DCAF12: variants seen among roughly 807,000 people sequenced by gnomAD.
DCAF12 encodes the protein DDB1- and CUL4-associated factor 12.
A neutral mutation model predicts 52.8 loss-of-function variants in DCAF12; 28 were observed. The ratio of observed to expected loss-of-function variants is 0.53; its 90% CI spans 0.39 to 0.73. The LOEUF (loss-of-function observed/expected upper bound fraction) is 0.73. Among genes scored for constraint, DCAF12 ranks in the 30% least tolerant of loss-of-function variants. The pLI is 0.00. For missense variants in DCAF12, 425 were observed against 552.2 expected (o/e 0.77, Z 2.31); for synonymous variants, 196 against 215.5 (o/e 0.91, Z 0.79).
At chr9:34,103,685 C>G (rs900684500) in intron 4 of DCAF12, among the ~76,000 whole-genome samples, 3 of 151,966 alleles carry the variant, frequency 2.0e-5, no homozygotes, top group African/African-American at 7.3e-5. Flanking sequence ...GAGACCCAGT[C>G]TCTATAAAAA....
chr9:34,096,720 G>T lies in DCAF12; in HGVS notation c.857C>A (p.Ser286Tyr), dbSNP rs774034512. The T allele has an allele frequency of 6.2e-7, 1 of 1,613,716 alleles. No homozygotes were observed. The highest frequency in any genetic ancestry group is 8.5e-7 in the Non-Finnish European group (1 of 1,179,672). ...FHLWKAENTL[S>Y]KLLSTKLPYC... is the part of the protein sequence containing the mutation. ...ACAAAATCATGTTCATCACACCTTAGATAGTGTATTTTCAGCCTTCCAGAG... is the reference window on the plus strand; with the variant it reads ...ACAAAATCATGTTCATCACACCTTATATAGTGTATTTTCAGCCTTCCAGAG... Residue 286 changes from serine to tyrosine, a missense_variant, in exon 6 of 9, where the codon TCT becomes TAT. This residue lies in a region of DCAF12 where 328 missense variants were observed against 444.4 expected (regional missense o/e 0.74). Transcript: ENST00000361264.
At chr9:34,104,817 T>C (rs1828879496) in intron 4 of DCAF12, among the ~76,000 whole-genome samples, 1 of 150,400 alleles carries the variant, frequency 6.6e-6, no homozygotes, top group Non-Finnish European at 1.5e-5. Context: ...CTCAGGAGGC[T>C]GAGGCAGGGA....
At chr9:34,125,328 A>G (rs1829232730) in intron 1 of DCAF12, 51 bp from the exon 2 acceptor site, 4 of 1,597,212 alleles carry the variant, frequency 2.5e-6, no homozygotes, top group Non-Finnish European at 2.6e-6. Context: ...TCTTCAGAAC[A>G]GATCCTACTG....
rs544993253 is a variant in DCAF12, at chr9:34,106,280, T to C, written c.601+154A>G. ...ACTAATTTAAATTCTTGGGCTCAAGTGATCCACCCACCTCAGCCTCCCAAA... is the reference window on the plus strand; with the variant it reads ...ACTAATTTAAATTCTTGGGCTCAAGCGATCCACCCACCTCAGCCTCCCAAA... On this transcript the variant is annotated intron_variant, in intron 4 of 8. Transcript: ENST00000361264. Among the ~76,000 whole-genome samples the C allele has an allele frequency of 2.7e-4, 41 of 152,116 alleles. 1 individual carries two copies. The highest frequency in any genetic ancestry group is 5.9e-4 in the Admixed American group (9 of 15,242).
chr9:34,097,548 G>A (rs1397632660), intron 5 of DCAF12, among the ~76,000 whole-genome samples: 1 of 151,698 alleles, frequency 6.6e-6, no homozygotes, highest in Non-Finnish European at 1.5e-5. Flanking sequence ...GAGTCACTGC[G>A]CCTGGGTGAC....
At chr9:34,106,327 G>C in intron 4 of DCAF12, 107 bp downstream of exon 4, 1 of 908,882 alleles carries the variant, frequency 1.1e-6, no homozygotes, top group Non-Finnish European at 1.7e-6. Context: ...ATAGGCGTGA[G>C]TCACTGAGCC....
chr9:34,126,218 A>G, intron 1 of DCAF12, 136 bp downstream of exon 1: 2 of 1,105,294 alleles, frequency 1.8e-6, no homozygotes, highest in East Asian at 2.6e-5. Flanking sequence ...TCCTGACCCT[A>G]TAGGCCCTGA....
At chr9:34,107,673 T>C (rs1828926821) in intron 2 of DCAF12, 108 bp from the exon 3 acceptor site, 3 of 890,664 alleles carry the variant, frequency 3.4e-6, no homozygotes, top group South Asian at 1.6e-5. Context: ...TAACAACTAC[T>C]ACATGTTAGA....
At chr9:34,088,708 C>T (rs1475575840) in intron 8 of DCAF12, among the ~76,000 whole-genome samples, 200 bp from the exon 9 acceptor site, 1 of 152,164 alleles carries the variant, frequency 6.6e-6, no homozygotes, top group Non-Finnish European at 1.5e-5. Context: ...AAGAACGGAG[C>T]AGCTGAAGAA....
chr9:34,109,362 A>C (rs1428217080), intron 2 of DCAF12: 1 of 201,050 alleles, frequency 5.0e-6, no homozygotes, highest in East Asian at 1.1e-4. Flanking sequence ...GCACCTGAAC[A>C]GCTCCTAGAT....
intron 1 of DCAF12, chr9:34,125,546 T>C: frequency 3.5e-6 from 2 of 565,142 alleles, no homozygotes; most frequent in Non-Finnish European, 6.9e-6. Context: ...CTAAAAGGTT[T>C]ACTAGACATT....
At chr9:34,111,431 C>G (rs1408058200) in intron 2 of DCAF12, among the ~76,000 whole-genome samples, 2 of 152,336 alleles carry the variant, frequency 1.3e-5, no homozygotes, top group South Asian at 4.1e-4. Context: ...AACACTTAGA[C>G]CATATCGCAC....
chr9:34,111,829 A>C (rs1294908321), intron 2 of DCAF12, among the ~76,000 whole-genome samples: 1 of 152,124 alleles, frequency 6.6e-6, no homozygotes, highest in Non-Finnish European at 1.5e-5. Flanking sequence ...CTTGGAGAAA[A>C]GAAAACTTGA....
intron 2 of DCAF12, among the ~76,000 whole-genome samples, chr9:34,113,432 C>T (rs993589573): frequency 2.0e-5 from 3 of 151,838 alleles, no homozygotes; most frequent in African/African-American, 4.8e-5. Flanking sequence ...TCTTGGCTCC[C>T]GGGTTCAAGT....
chr9:34,109,415 C>G (rs144141231), intron 2 of DCAF12: 231 of 198,568 alleles, frequency 1.2e-3, no homozygotes, highest in Non-Finnish European at 1.9e-3. Context: ...TCTTTAGCCC[C>G]CAGGGTGGGA....
intron 2 of DCAF12, among the ~76,000 whole-genome samples, chr9:34,113,836 C>T (rs1829043329): frequency 6.6e-6 from 1 of 151,596 alleles, no homozygotes; most frequent in Non-Finnish European, 1.5e-5. Flanking sequence ...AGGCCAGGCG[C>T]AGTGGCTCAT....
At chr9:34,125,313 A>C in intron 1 of DCAF12, 36 bp from the exon 2 acceptor site, 1 of 1,608,964 alleles carries the variant, frequency 6.2e-7, no homozygotes, top group Non-Finnish European at 8.5e-7. Flanking sequence ...GGCTTTGGCT[A>C]CTCTTCTTCA....
At chr9:34,102,570 T>C (rs1374973913) in intron 4 of DCAF12, among the ~76,000 whole-genome samples, 1 of 151,980 alleles carries the variant, frequency 6.6e-6, no homozygotes, top group African/African-American at 2.4e-5. Context: ...GGAGAATTGC[T>C]TGAACCCAGG....
intron 1 of DCAF12, chr9:34,125,551 G>A: frequency 5.4e-6 from 3 of 551,766 alleles, no homozygotes; most frequent in South Asian, 1.5e-5. Flanking sequence ...AGGTTTACTA[G>A]ACATTTTAGG....
Sources: gnomAD v4.1 joint callset for allele counts (sites outside exome capture counted in the v4.1 genomes callset) on GRCh38, gnomAD v4.1.1 for gene constraint, gnomAD v4.1.1 regional missense constraint, MANE v1.5 for transcripts, NCBI Gene and HGNC (gene_info 2026-07-23, HGNC 2026-07-21) for gene names.